UQCRH: variants seen among roughly 807,000 people sequenced by gnomAD.
UQCRH encodes the protein cytochrome b-c1 complex subunit 6, mitochondrial.
UQCRH carries 14 observed loss-of-function variants against 16.3 expected under a neutral mutation model. That is an observed-to-expected ratio of 0.86 (90% CI 0.57 to 1.34). UQCRH has a LOEUF of 1.34. Among genes scored for constraint, UQCRH ranks in the 40% most tolerant of loss-of-function variants. The probability of loss-of-function intolerance (pLI) is 0.00; values close to 1 mark genes in which losing one functional copy is unlikely to be tolerated. For missense variants in UQCRH, 89 were observed against 111.9 expected (o/e 0.80, Z 0.92); for synonymous variants, 41 against 41.9 (o/e 0.98, Z 0.08).
At chr1:46,304,534 C>T (rs1396388906) in intron 1 of UQCRH, among the ~76,000 whole-genome samples, 9 of 151,930 alleles carry the variant, frequency 5.9e-5, no homozygotes, top group East Asian at 1.9e-4. Context: ...TACAGGTGTC[C>T]GCCACCACGC....
At chr1:46,312,261 A>T (rs764010686) in intron 3 of UQCRH, among the ~76,000 whole-genome samples, 2 of 150,652 alleles carry the variant, frequency 1.3e-5, no homozygotes, top group Non-Finnish European at 3.0e-5. Context: ...ACACCCAGCT[A>T]ATTTTTTGTT....
intron 3 of UQCRH, among the ~76,000 whole-genome samples, chr1:46,311,347 AGGCG>A (rs1661470555): frequency 8.9e-6 from 1 of 112,382 alleles, no homozygotes; most frequent in Non-Finnish European, 1.9e-5. Context: ...GCGGAGGCGG[AGGCG>A]GGCGGATCAC....
At chr1:46,311,631 C>T (rs1200951551) in intron 3 of UQCRH, among the ~76,000 whole-genome samples, 2 of 150,922 alleles carry the variant, frequency 1.3e-5, no homozygotes, top group Non-Finnish European at 2.9e-5. Flanking sequence ...CTTGGTCTGT[C>T]GCCCAGGCTG....
chr1:46,308,441 T>G (rs1661412148), intron 1 of UQCRH, among the ~76,000 whole-genome samples: 1 of 152,208 alleles, frequency 6.6e-6, no homozygotes, highest in Non-Finnish European at 1.5e-5. Context: ...TTGAATAATT[T>G]CGTTGGGCTC....
chr1:46,310,545 C>G (rs573647177), intron 3 of UQCRH, among the ~76,000 whole-genome samples: 1 of 152,168 alleles, frequency 6.6e-6, no homozygotes, highest in African/African-American at 2.4e-5. Flanking sequence ...TCAGTGCCAA[C>G]CTTGAACTCC....
At chr1:46,311,065 A>C in intron 3 of UQCRH, among the ~76,000 whole-genome samples, 1 of 148,166 alleles carries the variant, frequency 6.7e-6, no homozygotes, top group Non-Finnish European at 1.5e-5. Flanking sequence ...ACAGAGCGAG[A>C]CTCCATCTCA....
chr1:46,309,466 C>T (rs1459752913), intron 2 of UQCRH: 2 of 262,406 alleles, frequency 7.6e-6, no homozygotes, highest in East Asian at 8.2e-5. Context: ...CCAAGGCAGG[C>T]GGATTACCAG....
intron 1 of UQCRH, among the ~76,000 whole-genome samples, chr1:46,304,433 T>C (rs895084379): frequency 2.0e-5 from 3 of 151,312 alleles, no homozygotes; most frequent in Non-Finnish European, 1.5e-5. Flanking sequence ...TCGCCCAGGC[T>C]GGAGTGCAGT....
chr1:46,308,886 G>C (rs1001309464), intron 1 of UQCRH, among the ~76,000 whole-genome samples: 2 of 152,176 alleles, frequency 1.3e-5, no homozygotes, highest in African/African-American at 4.8e-5. Flanking sequence ...AGGTATGCTC[G>C]CAGGCAAGTT....
At chr1:46,309,904 T>C in intron 2 of UQCRH, 1 of 1,408,816 alleles carries the variant, frequency 7.1e-7, no homozygotes, top group Non-Finnish European at 9.2e-7. Flanking sequence ...CAGATAGGAC[T>C]GAGGCTTTCA....
chr1:46,313,546 G>A (rs969038646), intron 3 of UQCRH, among the ~76,000 whole-genome samples: 3 of 151,960 alleles, frequency 2.0e-5, no homozygotes, highest in African/African-American at 7.3e-5. Flanking sequence ...GGAGAATGGC[G>A]TGAACCCGGG....
intron 3 of UQCRH, among the ~76,000 whole-genome samples, chr1:46,314,621 C>T (rs1661544527): frequency 6.9e-6 from 1 of 145,182 alleles, no homozygotes; most frequent in South Asian, 2.2e-4. Context: ...TGCGGTGAGC[C>T]AAAGTTGCGC....
At position 46,311,463 on chromosome 1, in the gene UQCRH, A is replaced by G. The variant is rs543133236; in HGVS notation, c.243+1147A>G. ...GTGGTGGCGGGCGCCTGTAGCCCCC[A>G]GCTACTCGGGAGCCTGAGGCAGGAG... On this transcript the variant is annotated intron_variant, in intron 3 of 3. Transcript: ENST00000311672. Among the ~76,000 whole-genome samples the G allele has an allele frequency of 1.5e-3, 214 of 147,256 alleles. 1 individual carries two copies. Among genetic ancestry groups the G allele is most frequent in the Non-Finnish European group, 1.6e-3 (105 of 66,808 alleles).
At chr1:46,311,892 G>A (rs893403848) in intron 3 of UQCRH, among the ~76,000 whole-genome samples, 7 of 149,232 alleles carry the variant, frequency 4.7e-5, no homozygotes, top group Middle Eastern at 3.6e-3. Flanking sequence ...GCCTTCCAAA[G>A]TTCTGGGATT....
At chr1:46,306,087 C>G (rs1019498241) in intron 1 of UQCRH, among the ~76,000 whole-genome samples, 2 of 152,106 alleles carry the variant, frequency 1.3e-5, no homozygotes, top group Admixed American at 1.3e-4. Context: ...CCACCGCGCC[C>G]GGCTGAGGAA....
At chr1:46,314,646 C>T (rs1348998147) in intron 3 of UQCRH, among the ~76,000 whole-genome samples, 1 of 149,000 alleles carries the variant, frequency 6.7e-6, no homozygotes, top group African/African-American at 2.5e-5. Context: ...GCACTCCACC[C>T]TGGGCAACAA....
chr1:46,314,932 C>T (rs551392042), intron 3 of UQCRH, among the ~76,000 whole-genome samples: 7 of 152,252 alleles, frequency 4.6e-5, no homozygotes, highest in Non-Finnish European at 1.0e-4. Flanking sequence ...CAAGATTGGA[C>T]GTTCTAGAGA....
chr1:46,312,130 CTG>C (rs1661490914), intron 3 of UQCRH, among the ~76,000 whole-genome samples: 1 of 151,584 alleles, frequency 6.6e-6, no homozygotes, highest in South Asian at 2.1e-4. Context: ...GAGTTGCACT[CTG>C]TCACCCAGGC....
At chr1:46,311,161 G>A (rs1455336023) in intron 3 of UQCRH, among the ~76,000 whole-genome samples, 2 of 151,816 alleles carry the variant, frequency 1.3e-5, no homozygotes, top group Non-Finnish European at 2.9e-5. Flanking sequence ...CCATTTCACA[G>A]ATAGAAACTG....
Sources: gnomAD v4.1 joint callset for allele counts (sites outside exome capture counted in the v4.1 genomes callset) on GRCh38, gnomAD v4.1.1 for gene constraint, MANE v1.5 for transcripts, NCBI Gene and HGNC (gene_info 2026-07-23, HGNC 2026-07-21) for gene names.